The following FAM228B variants were observed in gnomAD, a reference collection of about 807,000 sequenced individuals.
FAM228B encodes the protein family with sequence similarity 228 member B, also known as protein FAM228B.
In FAM228B, 38 loss-of-function variants were observed where a neutral mutation model predicts 42.6. The observed-to-expected ratio is 0.89, with a 90% CI of 0.69 to 1.17. FAM228B has a LOEUF of 1.17. FAM228B is among the 50% of genes most tolerant of loss of function. FAM228B has a pLI of 0.00. For missense variants in FAM228B, 344 were observed against 367.3 expected (o/e 0.94, Z 0.52); for synonymous variants, 109 against 122.3 (o/e 0.89, Z 0.72).
chr2:24,083,109 A>C, intron 2 of FAM228B: 1 of 1,613,882 alleles, frequency 6.2e-7, no homozygotes, highest in Non-Finnish European at 8.5e-7. Context: ...CTCAAGTCCC[A>C]AAATGTTGCT....
chr2:24,124,523 G>A, intron 2 of FAM228B, 63 bp downstream of exon 2: 1 of 980,166 alleles, frequency 1.0e-6, no homozygotes, highest in Non-Finnish European at 1.5e-6. Context: ...GTAGGAAGTG[G>A]CTTGTGCTAA....
At chr2:24,124,522 G>T in intron 2 of FAM228B, 62 bp downstream of exon 2, 2 of 982,868 alleles carry the variant, frequency 2.0e-6, no homozygotes, top group Non-Finnish European at 1.5e-6. Flanking sequence ...AGTAGGAAGT[G>T]GCTTGTGCTA....
At chr2:24,110,564 C>T (rs115783992) in intron 3 of FAM228B, among the ~76,000 whole-genome samples, 321 of 152,278 alleles carry the variant, frequency 2.1e-3, no homozygotes, top group African/African-American at 7.5e-3. Flanking sequence ...GGAGAGAGAG[C>T]TTCTGGGCTG....
At chr2:24,122,423 A>C (rs753566764), upstream of FAM228B, 4 of 1,608,908 alleles carry the variant, frequency 2.5e-6, no homozygotes, top group Non-Finnish European at 3.4e-6. Context: ...TCTTACATTG[A>C]AACCTGGTGA....
chr2:24,125,048 A>C (rs995138002), intron 2 of FAM228B, among the ~76,000 whole-genome samples: 6 of 152,128 alleles, frequency 3.9e-5, no homozygotes, highest in African/African-American at 1.4e-4. Context: ...AAACAGCTTT[A>C]TTAAGATGTA....
intron 7 of FAM228B, among the ~76,000 whole-genome samples, chr2:24,155,555 TTTG>T (rs1667122408): frequency 9.0e-6 from 1 of 111,402 alleles, no homozygotes; most frequent in African/African-American, 3.2e-5. Context: ...TTTTTTTTTT[TTTG>T]AGATGGATTT....
intron 2 of FAM228B, among the ~76,000 whole-genome samples, chr2:24,131,940 C>G (rs1666464918): frequency 6.6e-6 from 1 of 152,142 alleles, no homozygotes; most frequent in South Asian, 2.1e-4. Flanking sequence ...AGCTTTTGCC[C>G]ATTCAGTATG....
intron 7 of FAM228B, among the ~76,000 whole-genome samples, chr2:24,147,398 A>G (rs565189576): frequency 1.3e-5 from 2 of 151,876 alleles, no homozygotes; most frequent in South Asian, 4.2e-4. Context: ...TGAGGTTCTC[A>G]TATGTGTGGT....
chr2:24,167,724 T>G, intron 10 of FAM228B, 41 bp downstream of exon 10: 1 of 1,548,398 alleles, frequency 6.5e-7, no homozygotes, highest in Non-Finnish European at 8.7e-7. Context: ...CTCCTATTCC[T>G]TACCCCTGTT....
chr2:24,164,976 A>C (rs1318570759), intron 9 of FAM228B, among the ~76,000 whole-genome samples: 1 of 152,060 alleles, frequency 6.6e-6, no homozygotes, highest in Non-Finnish European at 1.5e-5. Context: ...AAACTCAGGA[A>C]TAAGAAAGGA....
Position 24,168,810 on chromosome 2 carries a change from G to T in FAM228B, c.*15-546G>T, listed in dbSNP as rs544997200. Among the ~76,000 whole-genome samples the T allele has an allele frequency of 3.9e-5, 6 of 152,234 alleles. No homozygotes were observed. The South Asian group carries it at 1.2e-3, about 32-fold the overall frequency. On this transcript the variant is annotated intron_variant, in intron 10 of 10. Coordinates refer to ENST00000615575, the MANE Select transcript of FAM228B (RefSeq NM_001145710.2). ...GTGAGGAGGCAGCACCCTGGACTCA[G>T]GTGGACAGGACACTCTATCCATTGT...
In FAM228B at chr2:24,167,637, C is replaced by A; in HGVS notation, c.943C>A (p.Pro315Thr). 1 of 1,551,684 alleles carries A rather than the reference C, an allele frequency of 6.4e-7. No homozygotes were observed. The change falls in exon 10 of 11, where the codon CCG becomes ACG. Residue 315 changes from proline to threonine, a missense_variant. Coordinates refer to ENST00000615575, the MANE Select transcript of FAM228B (RefSeq NM_001145710.2). ...CAATCTTCATTTAAGGTCTCCCTCC[C>A]CGCGTTTGGGGCTGCTGAAGCTGGA... ...REEDQDGSPS[P>T]RLGLLKLEL
In FAM228B at chr2:24,090,089, T is replaced by C. The variant is rs538554569; in HGVS notation, c.-209-5052T>C. Among the ~76,000 whole-genome samples the C allele has an allele frequency of 1.3e-4, 19 of 147,756 alleles. No individual in the cohort carries two copies. The South Asian group carries it at 1.3e-3, about 10-fold the overall frequency. On this transcript the variant is annotated intron_variant, in intron 2 of 10. Coordinates refer to the FAM228B transcript ENST00000613899. ...GAGATGGAGACCATCCTGGCTAACATGGTGTATTTCTCTACTAAAAATACA... is the reference window on the plus strand; with the variant it reads ...GAGATGGAGACCATCCTGGCTAACACGGTGTATTTCTCTACTAAAAATACA...
At position 24,084,060 on chromosome 2, in the gene FAM228B, A is replaced by G. The variant is rs1665138224; in HGVS notation, c.-210+3105A>G. ...GGGCGCCCTGGGTTTAGGTCTGGGA[A>G]GCCCCAGCGCAGCTGCCTGCTGGGT... On this transcript the variant is annotated intron_variant, in intron 2 of 10. Coordinates refer to the FAM228B transcript ENST00000613899. The surrounding 1 kb of genome is among the most constrained non-coding windows in gnomAD (Gnocchi z 8.4). 7.2e-7 allele frequency: 1 copy of G among 1,391,098 alleles called. No individual in the cohort carries two copies. The allele number at this position is 1,391,098 out of a possible 1,614,324, so 86.2% of individuals were successfully genotyped here.
chr2:24,130,053 A>G (rs1666419513), intron 2 of FAM228B, among the ~76,000 whole-genome samples: 1 of 152,144 alleles, frequency 6.6e-6, no homozygotes, highest in African/African-American at 2.4e-5. Context: ...ATGAGTGAGA[A>G]CATGCGGTGT....
At chr2:24,124,528 T>A (rs1666253880) in intron 2 of FAM228B, 68 bp downstream of exon 2, 3 of 878,658 alleles carry the variant, frequency 3.4e-6, no homozygotes, top group Non-Finnish European at 5.2e-6. Context: ...AAGTGGCTTG[T>A]GCTAAATATA....
chr2:24,083,792 G>A (rs1323882051), intron 2 of FAM228B, among the ~76,000 whole-genome samples: 1 of 152,146 alleles, frequency 6.6e-6, no homozygotes, highest in Non-Finnish European at 1.5e-5. Context: ...AAAGACCTCA[G>A]CTTGAATCCC....
At chr2:24,122,709 T>C, upstream of FAM228B, 2 of 505,586 alleles carry the variant, frequency 4.0e-6, no homozygotes, top group Non-Finnish European at 3.5e-6. Context: ...GGCCCACCAG[T>C]ACCCAAAGAG....
Position 24,116,965 on chromosome 2 carries a change from A to G in FAM228B, c.-120-18154A>G, listed in dbSNP as rs532177412. 6.8e-4 allele frequency among the ~76,000 whole-genome samples: 104 copies of G among 152,022 alleles called. 1 individual carries two copies. The South Asian group carries it at 0.016, about 23-fold the overall frequency. On this transcript the variant is annotated intron_variant, in intron 3 of 10. Transcript: ENST00000613899. ...AATTAAAGATGCTAACATTTTACCA[A>G]TGTTACAAATGTGACTCTCTAATAT...
Sources: gnomAD v4.1 joint callset for allele counts (sites outside exome capture counted in the v4.1 genomes callset) on GRCh38, gnomAD v4.1.1 for gene constraint, Gnocchi (gnomAD v3.1) non-coding constraint, MANE v1.5 for transcripts, NCBI Gene and HGNC (gene_info 2026-07-23, HGNC 2026-07-21) for gene names.